CSMD1: variants seen among roughly 807,000 people sequenced by gnomAD.
CSMD1 encodes CUB and sushi domain-containing protein 1.
A neutral mutation model predicts 417.5 loss-of-function variants in CSMD1; 213 were observed. That is an observed-to-expected ratio of 0.51 (90% CI 0.46 to 0.57). CSMD1 has a LOEUF of 0.57. CSMD1 is among the 20% of genes least tolerant of loss of function. The pLI is 0.00. For synonymous variants in CSMD1, 2,862 were observed against 1,736.8 expected, an observed-to-expected ratio of 1.65 and a Z score of -16.11; for missense variants, 6,923 against 4,529.7, an observed-to-expected ratio of 1.53 and a Z score of -15.17.
At chr8:3,680,740 G>C (rs1799610492) in intron 7 of CSMD1, among the ~76,000 whole-genome samples, 2 of 152,118 alleles carry the variant, frequency 1.3e-5, no homozygotes, top group Admixed American at 6.5e-5. Flanking sequence ...AACCAAAAAA[G>C]AGAATTTTAG....
At chr8:4,126,111 ACCCCC>A (rs1310259350) in intron 3 of CSMD1, among the ~76,000 whole-genome samples, 4 of 151,370 alleles carry the variant, frequency 2.6e-5, no homozygotes, top group Non-Finnish European at 4.4e-5. Flanking sequence ...ACTCACTTTG[ACCCCC>A]TGTGATTTCA....
At chr8:4,315,366 C>T (rs1415328811) in intron 3 of CSMD1, among the ~76,000 whole-genome samples, 5 of 152,272 alleles carry the variant, frequency 3.3e-5, no homozygotes, top group East Asian at 3.9e-4. Context: ...TGGCAGGTAC[C>T]AGCCTGCCTC....
chr8:3,911,869 T>A (rs1028994227), intron 5 of CSMD1, among the ~76,000 whole-genome samples: 3 of 152,196 alleles, frequency 2.0e-5, no homozygotes, highest in African/African-American at 7.2e-5. Context: ...CCATCTGTGT[T>A]CCATCTTCTT....
rs13275230 is a variant in CSMD1 at position 3,405,077 on chromosome 8, T to C, written c.2266+950A>G. Among the ~76,000 whole-genome samples, 390 of 152,152 alleles carry C rather than the reference T, an allele frequency of 2.6e-3. 2 individuals carry two copies. The highest frequency in any genetic ancestry group is 0.01 in the Middle Eastern group (3 of 294). On this transcript the variant is annotated intron_variant, in intron 15 of 69. Transcript: ENST00000635120. ...ACTACAATACCATGATTTTATATAA[T>C]CAATAGTATGATTAGGAAATGCCAG...
chr8:3,998,737 G>C (rs17068489), intron 4 of CSMD1, among the ~76,000 whole-genome samples: 6,758 of 152,004 alleles, frequency 0.044, 522 homozygotes, highest in African/African-American at 0.16. Context: ...ATTTAAAATA[G>C]AAACTAACAA....
intron 7 of CSMD1, among the ~76,000 whole-genome samples, chr8:3,684,378 A>G (rs946418938): frequency 1.4e-5 from 2 of 147,780 alleles, no homozygotes; most frequent in African/African-American, 4.9e-5. Flanking sequence ...CATAATATAT[A>G]AAATGTATAA....
At chr8:3,374,981 C>T (rs780900509) in intron 18 of CSMD1, among the ~76,000 whole-genome samples, 2 of 152,166 alleles carry the variant, frequency 1.3e-5, no homozygotes, top group Non-Finnish European at 2.9e-5. Context: ...CAGACAATTT[C>T]ACAGGCAACA....
In CSMD1 at chr8:3,237,881, T is replaced by TACTAC. The variant is rs1563171927; in HGVS notation, c.4154-7651_4154-7650insGTAGT. Among the ~76,000 whole-genome samples, 21 of 94,976 alleles carry TACTAC rather than the reference T, an allele frequency of 2.2e-4. 3 individuals carry two copies. The highest frequency in any genetic ancestry group is 3.9e-4 in the South Asian group (1 of 2,556). 62.3% of individuals were successfully genotyped at this position (94,976 alleles called of 152,430 possible). A position where few individuals can be genotyped will look rare whatever the true frequency, so the allele number is the denominator to read the frequency against. On this transcript the variant is annotated intron_variant, in intron 26 of 69. Transcript: ENST00000635120. ...AAATATAATTTTTATAATTATACTATAAATATAATTTTTATAATTATACTT... is the reference window on the plus strand; with the variant it reads ...AAATATAATTTTTATAATTATACTATACTACAAATATAATTTTTATAATTATACTT...
At chr8:3,240,776 G>T (rs2116967551) in intron 26 of CSMD1, among the ~76,000 whole-genome samples, 1 of 152,216 alleles carries the variant, frequency 6.6e-6, no homozygotes, top group African/African-American at 2.4e-5. Context: ...ACCACTGGGT[G>T]GATAGGCAAA....
chr8:3,269,620 G>A (rs1801690822), intron 26 of CSMD1, among the ~76,000 whole-genome samples: 1 of 152,206 alleles, frequency 6.6e-6, no homozygotes, highest in African/African-American at 2.4e-5. Flanking sequence ...TGGTTGCAGA[G>A]CCATTTTTCC....
Position 4,146,217 on chromosome 8 carries a change from A to C in CSMD1, c.416-114118T>G, listed in dbSNP as rs1372904203. Among the ~76,000 whole-genome samples the C allele has an allele frequency of 4.6e-5, 7 of 151,078 alleles. 2 individuals are homozygous for C. The highest frequency in any genetic ancestry group is 1.7e-4 in the African/African-American group (7 of 40,422). Reference sequence around the variant, plus strand: ...AAAAAAAGGGTGATATCGTTTGGAAACATGAACTTGGAGAAAACCTCTCCC... The same window carrying C: ...AAAAAAAGGGTGATATCGTTTGGAACCATGAACTTGGAGAAAACCTCTCCC... On this transcript the variant is annotated intron_variant, in intron 3 of 69. Transcript: ENST00000635120.
chr8:3,817,046 G>C (rs555666924), intron 5 of CSMD1, among the ~76,000 whole-genome samples: 7 of 152,090 alleles, frequency 4.6e-5, no homozygotes, highest in African/African-American at 1.7e-4. Context: ...TGACAAGAGA[G>C]AAAGAAACAG....
intron 26 of CSMD1, chr8:3,278,609 G>C (rs1584917306): frequency 6.6e-6 from 1 of 151,762 alleles, no homozygotes; most frequent in African/African-American, 2.4e-5. Flanking sequence ...AAATTAGCAT[G>C]GTTTATGAAT....
At chr8:3,602,236 C>CG (rs922792387) in intron 8 of CSMD1, among the ~76,000 whole-genome samples, 9 of 152,158 alleles carry the variant, frequency 5.9e-5, no homozygotes, top group African/African-American at 1.7e-4. Context: ...CCAGAACCTT[C>CG]GGGGTAACTG....
At chr8:4,396,088 T>A (rs1179362805) in intron 3 of CSMD1, among the ~76,000 whole-genome samples, 1 of 151,944 alleles carries the variant, frequency 6.6e-6, no homozygotes, top group Admixed American at 6.5e-5. Flanking sequence ...TTATACCATC[T>A]CCATTTGTGT....
chr8:3,082,288 C>A (rs900525512), intron 49 of CSMD1, among the ~76,000 whole-genome samples: 1 of 152,304 alleles, frequency 6.6e-6, no homozygotes, highest in African/African-American at 2.4e-5. Flanking sequence ...ATCTCTTTTG[C>A]TCTTTAACGG....
chr8:3,137,176 G>T (rs1328052926), intron 41 of CSMD1, among the ~76,000 whole-genome samples: 1 of 152,120 alleles, frequency 6.6e-6, no homozygotes, highest in Non-Finnish European at 1.5e-5. Flanking sequence ...ACCCTAAAGG[G>T]CTAGAGAACA....
At chr8:4,122,658 C>A (rs1802551105) in intron 3 of CSMD1, among the ~76,000 whole-genome samples, 1 of 152,104 alleles carries the variant, frequency 6.6e-6, no homozygotes, top group Non-Finnish European at 1.5e-5. Context: ...CATGTGAGGC[C>A]AGGAAGGGCA....
chr8:4,861,422 G>A (rs1173378222), intron 1 of CSMD1, among the ~76,000 whole-genome samples: 1 of 152,108 alleles, frequency 6.6e-6, no homozygotes, highest in Non-Finnish European at 1.5e-5. Flanking sequence ...AGAAACATGT[G>A]AAGAAAGCGA....
Sources: allele counts gnomAD v4.1 joint callset (sites outside exome capture counted in the v4.1 genomes callset), GRCh38; gene constraint gnomAD v4.1.1; transcripts MANE v1.5; gene names NCBI Gene and HGNC (gene_info 2026-07-23, HGNC 2026-07-21).